The following ZNF385D variants were observed in gnomAD, a reference collection of about 807,000 sequenced individuals.
The protein encoded by ZNF385D is zinc finger protein 385D.
In ZNF385D, 15 loss-of-function variants were observed where a neutral mutation model predicts 35.8. That is an observed-to-expected ratio of 0.42 (90% confidence interval 0.28 to 0.64). The LOEUF is 0.64. ZNF385D is among the 30% of genes least tolerant of loss of function. The pLI, the probability that ZNF385D is intolerant of heterozygous loss-of-function variation, is 0.23. For synonymous variants in ZNF385D, 212 were observed against 186.8 expected (o/e 1.13, Z -1.10); for missense variants, 474 against 494.6 (o/e 0.96, Z 0.39).
intron 1 of ZNF385D, among the ~76,000 whole-genome samples, chr3:21,697,040 G>C (rs950428331): frequency 2.0e-5 from 3 of 152,168 alleles, no homozygotes; most frequent in Non-Finnish European, 2.9e-5. Flanking sequence ...TTCAGCAGAA[G>C]AGCTTAGGTT....
In ZNF385D at chr3:22,019,034, C is replaced by CTTTTTTTTTTTTTTTTTTT. The variant is rs11380195; in HGVS notation, c.325+149764_325+149782dup. ...CAGTTTCATGGATAGAGTTATTTAC[C>CTTTTTTTTTTTTTTTTTTT]TTTTTTTTTTTTTTTTTTTTTTTTT... On this transcript the variant is annotated intron_variant, in intron 3 of 5. Transcript: ENST00000494108. Among the ~76,000 whole-genome samples the CTTTTTTTTTTTTTTTTTTT allele has an allele frequency of 2.5e-3, 162 of 64,448 alleles. 18 individuals carry two copies. The highest frequency in any genetic ancestry group is 3.6e-3 in the Non-Finnish European group (130 of 35,772). 42.3% of individuals were successfully genotyped at this position (64,448 alleles called of 152,430 possible).
At chr3:21,864,547 A>G (rs1441188026) in intron 3 of ZNF385D, among the ~76,000 whole-genome samples, 9 of 152,060 alleles carry the variant, frequency 5.9e-5, no homozygotes, top group Admixed American at 2.0e-4. Context: ...ACATACATCA[A>G]ACATACCTCA....
Position 21,826,491 on chromosome 3 carries a change from C to T in ZNF385D, c.326-161463G>A, listed in dbSNP as rs1694637788. Among the ~76,000 whole-genome samples, 4 of 152,076 alleles carry T rather than the reference C, an allele frequency of 2.6e-5. No homozygotes were observed. The South Asian group carries it at 8.3e-4, about 32-fold the overall frequency. On this transcript the variant is annotated intron_variant, in intron 3 of 5. Transcript: ENST00000494108. The stretch of plus-strand genomic sequence containing the variant: ...GGTGATAGAGTTGTTGATGTCTAAA[C>T]AATGGCAAGGGGTGGAGAAGAAGAG...
At chr3:21,758,940 G>A (rs1356873853) in intron 3 of ZNF385D, among the ~76,000 whole-genome samples, 1 of 99,232 alleles carries the variant, frequency 1.0e-5, no homozygotes, top group African/African-American at 4.0e-5. Context: ...CTCACTCATA[G>A]AAAGCCAAAT....
intron 3 of ZNF385D, among the ~76,000 whole-genome samples, chr3:22,153,777 G>A (rs766693618): frequency 2.6e-5 from 4 of 152,114 alleles, no homozygotes; most frequent in South Asian, 2.1e-4. Context: ...AACGGACTCT[G>A]CATTTTTCAT....
At chr3:22,361,921 A>T (rs1696426436) in intron 2 of ZNF385D, among the ~76,000 whole-genome samples, 1 of 151,980 alleles carries the variant, frequency 6.6e-6, no homozygotes, top group African/African-American at 2.4e-5. Context: ...TTTCAACATA[A>T]GTTTTTAGTA....
intron 2 of ZNF385D, among the ~76,000 whole-genome samples, chr3:22,316,469 A>G (rs911365311): frequency 6.6e-6 from 1 of 152,214 alleles, no homozygotes; most frequent in African/African-American, 2.4e-5. Context: ...ATAAACAAAT[A>G]AAACAGTTGA....
chr3:21,741,028 A>G (rs530745520), intron 1 of ZNF385D, among the ~76,000 whole-genome samples: 2 of 151,916 alleles, frequency 1.3e-5, no homozygotes, highest in East Asian at 1.9e-4. Context: ...TGAGGTGCCA[A>G]TGGAATAACT....
intron 3 of ZNF385D, among the ~76,000 whole-genome samples, chr3:22,160,510 C>A (rs925531279): frequency 6.6e-6 from 1 of 151,982 alleles, no homozygotes. Flanking sequence ...AGAAGAAAAT[C>A]TTGTAAATTG....
At chr3:21,611,924 A>G (rs1274514567) in intron 2 of ZNF385D, among the ~76,000 whole-genome samples, 4 of 152,188 alleles carry the variant, frequency 2.6e-5, no homozygotes, top group Admixed American at 6.5e-5. Context: ...GTATACTTTT[A>G]TAAAGACTAG....
At chr3:22,017,901 A>G (rs1254164552) in intron 3 of ZNF385D, among the ~76,000 whole-genome samples, 5 of 151,838 alleles carry the variant, frequency 3.3e-5, no homozygotes, top group Non-Finnish European at 7.4e-5. Context: ...TTTTTTGCCT[A>G]TTCAATTTAT....
At chr3:22,249,315 A>C (rs1699949751) in intron 2 of ZNF385D, among the ~76,000 whole-genome samples, 2 of 152,162 alleles carry the variant, frequency 1.3e-5, no homozygotes, top group African/African-American at 4.8e-5. Context: ...TGTAATGCAA[A>C]CAATAATGTG....
chr3:22,177,094 C>T (rs1363065555), intron 2 of ZNF385D, among the ~76,000 whole-genome samples: 1 of 152,120 alleles, frequency 6.6e-6, no homozygotes, highest in African/African-American at 2.4e-5. Flanking sequence ...ATCAGGGCCT[C>T]CTTGGCAAAA....
intron 1 of ZNF385D, among the ~76,000 whole-genome samples, chr3:21,685,434 T>C (rs2067073289): frequency 1.3e-5 from 2 of 152,216 alleles, no homozygotes; most frequent in South Asian, 4.1e-4. Context: ...GGCAGACTCG[T>C]AAGCATTTGA....
intron 3 of ZNF385D, among the ~76,000 whole-genome samples, chr3:21,974,471 C>T (rs1334119379): frequency 2.0e-5 from 3 of 151,912 alleles, no homozygotes; most frequent in Admixed American, 2.0e-4. Context: ...TAAGAAACTA[C>T]TAGGAAAAAA....
chr3:21,671,531 T>A (rs1038798611), intron 1 of ZNF385D, among the ~76,000 whole-genome samples: 1 of 152,128 alleles, frequency 6.6e-6, no homozygotes, highest in South Asian at 2.1e-4. Flanking sequence ...TAATATCCAA[T>A]GTATAAAATC....
At chr3:22,296,647 C>T (rs1702597149) in intron 2 of ZNF385D, among the ~76,000 whole-genome samples, 2 of 152,088 alleles carry the variant, frequency 1.3e-5, no homozygotes. Context: ...GGACCTTCAG[C>T]TAGTGGTTTT....
At chr3:22,077,736 A>G (rs79468757) in intron 3 of ZNF385D, among the ~76,000 whole-genome samples, 1 of 152,018 alleles carries the variant, frequency 6.6e-6, no homozygotes. Flanking sequence ...AGCTGCCTAC[A>G]TAATTTCTAC....
chr3:21,713,890 C>T (rs1334411841), intron 1 of ZNF385D, among the ~76,000 whole-genome samples: 1 of 152,178 alleles, frequency 6.6e-6, no homozygotes, highest in Admixed American at 6.5e-5. Context: ...TCTCCTTTTA[C>T]ATCAACTGAG....
Sources: gnomAD v4.1 joint callset for allele counts (sites outside exome capture counted in the v4.1 genomes callset) on GRCh38, gnomAD v4.1.1 for gene constraint, MANE v1.5 for transcripts, NCBI Gene and HGNC (gene_info 2026-07-23, HGNC 2026-07-21) for gene names.